The following MACROD2 variants were observed in gnomAD, a reference collection of about 807,000 sequenced individuals.
The protein encoded by MACROD2 is mono-ADP ribosylhydrolase 2, also known as ADP-ribose glycohydrolase MACROD2.
Under a neutral mutation model 70.4 loss-of-function variants are expected in MACROD2, and 36 were observed. The ratio of observed to expected loss-of-function variants is 0.51; its 90% CI spans 0.39 to 0.68. The LOEUF (loss-of-function observed/expected upper bound fraction) is 0.68. Ranked by LOEUF, MACROD2 falls within the 30% of genes least tolerant of loss-of-function variation. The pLI is 0.00. For synonymous variants in MACROD2, 172 were observed against 178.8 expected (o/e 0.96, Z 0.30); for missense variants, 496 against 538.4 (o/e 0.92, Z 0.78).
intron 5 of MACROD2, among the ~76,000 whole-genome samples, chr20:14,726,649 A>T (rs1216256365): frequency 6.6e-6 from 1 of 152,192 alleles, no homozygotes; most frequent in Non-Finnish European, 1.5e-5. Context: ...AAACAACACT[A>T]TGGCTTAAGT....
intron 3 of MACROD2, among the ~76,000 whole-genome samples, chr20:14,095,354 G>GT (rs1199493935): frequency 2.0e-5 from 3 of 152,198 alleles, no homozygotes; most frequent in Non-Finnish European, 4.4e-5. Flanking sequence ...TAGGACTCAA[G>GT]TGAGAGACTG....
At chr20:15,481,150 C>T (rs56801205) in intron 7 of MACROD2, among the ~76,000 whole-genome samples, 12,219 of 152,244 alleles carry the variant, frequency 0.08, 616 homozygotes, top group African/African-American at 0.12. Context: ...GTTCTCATTT[C>T]GCTAGCATGC....
intron 5 of MACROD2, among the ~76,000 whole-genome samples, chr20:14,802,883 A>G (rs919532934): frequency 2.0e-5 from 3 of 151,860 alleles, no homozygotes; most frequent in African/African-American, 7.3e-5. Flanking sequence ...AGAATATCTC[A>G]TTTTTAATGA....
At chr20:15,353,042 C>T (rs1367647870) in intron 6 of MACROD2, among the ~76,000 whole-genome samples, 1 of 151,986 alleles carries the variant, frequency 6.6e-6, no homozygotes, top group African/African-American at 2.4e-5. Flanking sequence ...CCCGCATTGC[C>T]AAGTCAATCC....
intron 5 of MACROD2, among the ~76,000 whole-genome samples, chr20:14,929,886 G>A (rs1273942067): frequency 6.6e-6 from 1 of 152,088 alleles, no homozygotes; most frequent in Non-Finnish European, 1.5e-5. Context: ...AGTTTGCTGG[G>A]CGCGGTATCT....
chr20:15,164,988 TAAC>T (rs1338895710), intron 5 of MACROD2, among the ~76,000 whole-genome samples: 1 of 151,964 alleles, frequency 6.6e-6, no homozygotes, highest in Non-Finnish European at 1.5e-5. Flanking sequence ...ACTGAAGTCA[TAAC>T]AAACTATAGA....
At chr20:14,724,889 A>C (rs1280883661) in intron 5 of MACROD2, among the ~76,000 whole-genome samples, 1 of 152,164 alleles carries the variant, frequency 6.6e-6, no homozygotes. Flanking sequence ...ATTTTTTTAC[A>C]TATTACTTGG....
chr20:14,348,268 C>CAAA (rs545110146), intron 3 of MACROD2, among the ~76,000 whole-genome samples: 126 of 73,996 alleles, frequency 1.7e-3, no homozygotes, highest in African/African-American at 5.2e-3. Flanking sequence ...GACTCCGTCT[C>CAAA]AAAAAAAAAA....
chr20:14,240,727 C>A (rs2081921689), intron 3 of MACROD2, among the ~76,000 whole-genome samples: 1 of 152,158 alleles, frequency 6.6e-6, no homozygotes, highest in Non-Finnish European at 1.5e-5. Context: ...TCAAAAGCTA[C>A]TTAAGAGGTA....
At chr20:14,887,878 AC>A (rs1291728636) in intron 5 of MACROD2, among the ~76,000 whole-genome samples, 10 of 143,372 alleles carry the variant, frequency 7.0e-5, no homozygotes, top group Non-Finnish European at 1.4e-4. Context: ...AAAAAAAAAA[AC>A]CTGTGTTCAG....
chr20:15,370,069 A>G (rs905899612), intron 6 of MACROD2, among the ~76,000 whole-genome samples: 5 of 152,180 alleles, frequency 3.3e-5, no homozygotes, highest in African/African-American at 4.8e-5. Context: ...TTGGAATTTT[A>G]TAATGAACTT....
At chr20:15,374,650 T>C (rs2045538700) in intron 6 of MACROD2, among the ~76,000 whole-genome samples, 1 of 152,188 alleles carries the variant, frequency 6.6e-6, no homozygotes, top group African/African-American at 2.4e-5. Context: ...TCTGAAAGAA[T>C]AGAGTGCCAC....
chr20:15,031,862 A>G (rs1260755836), intron 5 of MACROD2, among the ~76,000 whole-genome samples: 12 of 151,946 alleles, frequency 7.9e-5, no homozygotes, highest in African/African-American at 2.7e-4. Context: ...GTGGGGTTTC[A>G]CCAGGGACTC....
At chr20:14,333,253 A>T (rs1346580664) in intron 3 of MACROD2, among the ~76,000 whole-genome samples, 1 of 152,170 alleles carries the variant, frequency 6.6e-6, no homozygotes, top group Non-Finnish European at 1.5e-5. Context: ...TCCAATGCTA[A>T]GTATTTTTAC....
chr20:15,350,872 A>G lies in MACROD2; in HGVS notation c.541-80533A>G, dbSNP rs780507722. Among the ~76,000 whole-genome samples, 2 of 152,162 alleles carry G rather than the reference A, an allele frequency of 1.3e-5. 1 individual carries two copies. Among genetic ancestry groups the G allele is most frequent in the South Asian group, 4.1e-4 (2 of 4,836 alleles). The stretch of plus-strand genomic sequence containing the variant: ...TTCTCCCTTGAACTAATTAACTGGT[A>G]ACTTAATTTTTCTTCTCCTATCCTC... On this transcript the variant is annotated intron_variant, in intron 6 of 17. Coordinates refer to ENST00000684519, the MANE Select transcript of MACROD2 (RefSeq NM_001351661.2).
rs937789603 is a variant in MACROD2, at chr20:14,325,526, A to G, written c.272-167953A>G. 3.8e-6 allele frequency: 6 copies of G among 1,568,650 alleles called. No individual in the cohort carries two copies. The African/African-American group carries it at 4.1e-5, about 11-fold the overall frequency. ...CACCTCCCTTAGGTTTAAAAAACCC[A>G]AAACACAAGTCTGCTGTGAGTCCTT... On this transcript the variant is annotated intron_variant, in intron 3 of 17. Coordinates refer to ENST00000684519, the MANE Select transcript of MACROD2 (RefSeq NM_001351661.2).
intron 6 of MACROD2, among the ~76,000 whole-genome samples, chr20:15,338,402 G>A (rs1321371154): frequency 6.6e-6 from 1 of 151,394 alleles, no homozygotes; most frequent in Non-Finnish European, 1.5e-5. Context: ...CCACTTCAAA[G>A]TGCCCTGCTG....
At chr20:14,547,315 A>G in intron 4 of MACROD2, 2 of 259,572 alleles carry the variant, frequency 7.7e-6, no homozygotes. Context: ...CAGAAACTGA[A>G]TCAGGTCCCC....
chr20:14,125,328 A>T (rs566509871), intron 3 of MACROD2, among the ~76,000 whole-genome samples: 30 of 152,226 alleles, frequency 2.0e-4, no homozygotes, highest in Non-Finnish European at 3.4e-4. Context: ...TCAGTAAAAA[A>T]TAAGCAAACT....
Sources: gnomAD v4.1 joint callset for allele counts (sites outside exome capture counted in the v4.1 genomes callset) on GRCh38, gnomAD v4.1.1 for gene constraint, MANE v1.5 for transcripts, NCBI Gene and HGNC (gene_info 2026-07-23, HGNC 2026-07-21) for gene names.